CCDC33: variants seen among roughly 807,000 people sequenced by gnomAD.
The protein encoded by CCDC33 is coiled-coil domain containing 33, also known as coiled-coil domain-containing protein 33.
A neutral mutation model predicts 91.9 loss-of-function variants in CCDC33; 94 were observed. The ratio of observed to expected loss-of-function variants is 1.02; its 90% confidence interval spans 0.87 to 1.21. The LOEUF (loss-of-function observed/expected upper bound fraction) is 1.21. Among genes scored for constraint, CCDC33 ranks in the 50% most tolerant of loss-of-function variants. The probability of loss-of-function intolerance (pLI) is 0.00; values close to 1 mark genes in which losing one functional copy is unlikely to be tolerated. For missense variants in CCDC33, 940 were observed against 935.5 expected (o/e 1.00, Z -0.06); for synonymous variants, 396 against 374.5 (o/e 1.06, Z -0.66).
At chr15:74,322,284 C>T (rs575760899) in intron 11 of CCDC33, among the ~76,000 whole-genome samples, 2 of 152,374 alleles carry the variant, frequency 1.3e-5, no homozygotes, top group African/African-American at 4.8e-5. Flanking sequence ...AAGTCCTCAG[C>T]TGGGACGACC....
At chr15:74,271,905 C>G in intron 6 of CCDC33, 111 bp downstream of exon 6, 1 of 869,448 alleles carries the variant, frequency 1.2e-6, no homozygotes, top group South Asian at 1.6e-5. Context: ...GGCAACCCCT[C>G]TACCCCTAAG....
chr15:74,214,399 C>T (rs1482208951), upstream of CCDC33, among the ~76,000 whole-genome samples: 1 of 152,146 alleles, frequency 6.6e-6, no homozygotes, highest in East Asian at 1.9e-4. Context: ...CTTCTTGAAC[C>T]CCTCTGGGGA....
chr15:74,263,887 G>A (rs558502372), intron 3 of CCDC33, among the ~76,000 whole-genome samples: 2 of 152,144 alleles, frequency 1.3e-5, no homozygotes, highest in Admixed American at 6.5e-5. Flanking sequence ...TGTATAGATC[G>A]TGTGTGTGGC....
intron 2 of CCDC33, among the ~76,000 whole-genome samples, chr15:74,256,622 A>G (rs1221653611): frequency 6.6e-6 from 1 of 152,196 alleles, no homozygotes; most frequent in Non-Finnish European, 1.5e-5. Flanking sequence ...CTCACCAGCT[A>G]TGCCACAGGA....
At chr15:74,262,358 T>C (rs2076048296) in intron 2 of CCDC33, 82 bp from the exon 3 acceptor site, 2 of 1,560,310 alleles carry the variant, frequency 1.3e-6, no homozygotes, top group African/African-American at 1.4e-5. Flanking sequence ...TCACTCAGAT[T>C]TATGGACAGT....
At chr15:74,257,340 G>A (rs946653742) in intron 2 of CCDC33, among the ~76,000 whole-genome samples, 1 of 152,194 alleles carries the variant, frequency 6.6e-6, no homozygotes, top group Non-Finnish European at 1.5e-5. Flanking sequence ...GCACAGACTG[G>A]GGGCCTTGTC....
In CCDC33 at chr15:74,236,504, A is replaced by T; in HGVS notation, c.-216A>T. On this transcript the variant is annotated 5_prime_UTR_variant, in exon 1 of 19. Transcript: ENST00000398814. ...GCTGAGAGATCCAGGACCTGCTCCC[A>T]CCTGGCCACCCTCCCCCTCCCCCCA... is the stretch of plus-strand genomic sequence containing the variant. 2 of 283,982 alleles carry T rather than the reference A, an allele frequency of 7.0e-6. No homozygotes were observed. The highest frequency in any genetic ancestry group is 8.0e-5 in the South Asian group (2 of 25,010). The allele number at this position is 283,982 out of a possible 1,614,324, so 17.6% of individuals were successfully genotyped here.
intron 2 of CCDC33, among the ~76,000 whole-genome samples, chr15:74,255,772 TC>T (rs1225920154): frequency 3.9e-5 from 6 of 152,184 alleles, no homozygotes; most frequent in East Asian, 1.9e-4. Context: ...TCCCCCACTT[TC>T]CCCCCACAGC....
At chr15:74,205,545 A>G (rs142763423) in intron 1 of CCDC33, among the ~76,000 whole-genome samples, 2 of 152,326 alleles carry the variant, frequency 1.3e-5, no homozygotes, top group African/African-American at 4.8e-5. Context: ...ATACCCCGCA[A>G]TGACCCAAAC....
At chr15:74,230,035 G>A (rs150235874) in intron 2 of CCDC33, among the ~76,000 whole-genome samples, 1 of 152,312 alleles carries the variant, frequency 6.6e-6, no homozygotes. Context: ...GAAGAGGGAT[G>A]GCCCAGGCAC....
chr15:74,229,210 A>G (rs2142188550), intron 2 of CCDC33, among the ~76,000 whole-genome samples: 1 of 152,282 alleles, frequency 6.6e-6, no homozygotes, highest in South Asian at 2.1e-4. Flanking sequence ...TGGGGACAAC[A>G]AGCTGGGGGC....
rs1448983883 is a variant in CCDC33, at chr15:74,280,663, C to T, written c.890-5C>T. The stretch of plus-strand genomic sequence containing the variant: ...CAGGAGCCCTAGTTGATCCTTCCCC[C>T]ACAGTGAAAGGCAGCCAGCCGTGGA... On this transcript the variant is annotated splice_polypyrimidine_tract_variant and splice_region_variant and intron_variant, in intron 8 of 18. Coordinates refer to ENST00000398814, the MANE Select transcript of CCDC33 (RefSeq NM_025055.5). 1 of 1,468,518 alleles carries T rather than the reference C, an allele frequency of 6.8e-7. No homozygotes were observed. Among genetic ancestry groups the T allele is most frequent in the Non-Finnish European group, 9.0e-7 (1 of 1,105,500 alleles). The allele number at this position is 1,468,518 out of a possible 1,614,324, so 91.0% of individuals were successfully genotyped here.
chr15:74,216,456 G>GA (rs1227757448), upstream of CCDC33, among the ~76,000 whole-genome samples: 1 of 148,494 alleles, frequency 6.7e-6, no homozygotes, highest in Non-Finnish European at 1.5e-5. Context: ...CTCCCTGGGG[G>GA]ATCTGAAGAA....
chr15:74,249,179 G>T (rs1218905504), intron 2 of CCDC33, among the ~76,000 whole-genome samples: 2 of 152,096 alleles, frequency 1.3e-5, no homozygotes, highest in African/African-American at 2.4e-5. Context: ...CCGCCCAGCT[G>T]CTTAGGTCAT....
chr15:74,208,038 C>T (rs932283433), intron 1 of CCDC33: 24 of 1,348,288 alleles, frequency 1.8e-5, no homozygotes, highest in Non-Finnish European at 2.3e-5. Context: ...CCCTCACCAA[C>T]AGCATCATCA....
At chr15:74,242,559 G>A (rs1019721782) in intron 1 of CCDC33, among the ~76,000 whole-genome samples, 1 of 152,184 alleles carries the variant, frequency 6.6e-6, no homozygotes, top group East Asian at 1.9e-4. Context: ...ACCCTGAGGA[G>A]GTCCATTGCT....
chr15:74,305,193 C>A (rs901402155), intron 11 of CCDC33, among the ~76,000 whole-genome samples: 3 of 152,136 alleles, frequency 2.0e-5, no homozygotes, highest in Admixed American at 2.0e-4. Context: ...GTGATCCACC[C>A]GCCTCGCCCT....
chr15:74,256,228 A>G (rs1479179130), intron 2 of CCDC33, among the ~76,000 whole-genome samples: 5 of 152,156 alleles, frequency 3.3e-5, no homozygotes, highest in Non-Finnish European at 5.9e-5. Context: ...GCCCCTCAGG[A>G]GGCTGGGCTC....
chr15:74,273,790 G>A (rs189117763), intron 7 of CCDC33, among the ~76,000 whole-genome samples: 3 of 150,754 alleles, frequency 2.0e-5, no homozygotes, highest in Non-Finnish European at 4.4e-5. Flanking sequence ...TTAATCAGAG[G>A]AGAGGGATGT....
Sources: allele counts gnomAD v4.1 joint callset (sites outside exome capture counted in the v4.1 genomes callset), GRCh38; gene constraint gnomAD v4.1.1; transcripts MANE v1.5; gene names NCBI Gene and HGNC (gene_info 2026-07-23, HGNC 2026-07-21).